Variants in CDC14A observed in about 807,000 individuals in gnomAD.
The protein encoded by CDC14A is dual specificity protein phosphatase CDC14A.
CDC14A carries 53 observed loss-of-function variants against 74.4 expected under a neutral mutation model. The ratio of observed to expected loss-of-function variants is 0.71; its 90% CI spans 0.57 to 0.89. CDC14A has a LOEUF of 0.89. Among genes scored for constraint, CDC14A ranks in the 40% least tolerant of loss-of-function variants. CDC14A has a pLI of 0.00. For synonymous variants in CDC14A, 247 were observed against 258.4 expected (o/e 0.96, Z 0.43); for missense variants, 646 against 713.7 (o/e 0.91, Z 1.08).
chr1:100,352,637 T>G lies in CDC14A; in HGVS notation c.-318T>G. ...GCCGGGGGAAGACTTTGCCCTGCCC[T>G]GAGAGCTGGTCTGCGTTTCCCAGGC... On this transcript the variant is annotated 5_prime_UTR_variant, in exon 1 of 16. Transcript: ENST00000336454. 2 of 1,232,964 alleles carry G rather than the reference T, an allele frequency of 1.6e-6. No homozygotes were observed. The highest frequency in any genetic ancestry group is 3.8e-5 in the South Asian group (2 of 52,912). 76.4% of individuals were successfully genotyped at this position (1,232,964 alleles called of 1,614,324 possible).
At chr1:100,459,112 C>CAGAGAGAGAGAG (rs1557781940) in intron 8 of CDC14A, among the ~76,000 whole-genome samples, 1 of 147,898 alleles carries the variant, frequency 6.8e-6, no homozygotes, top group African/African-American at 2.6e-5. Flanking sequence ...CACACACACA[C>CAGAGAGAGAGAG]ACACACACAC....
chr1:100,496,696 A>T (rs10875292), intron 13 of CDC14A, among the ~76,000 whole-genome samples: 152,116 of 152,336 alleles, frequency 1, 75,950 homozygotes, highest in Middle Eastern at 1. Flanking sequence ...GGGCTTAAGC[A>T]TCTGGAGCTT....
intron 10 of CDC14A, among the ~76,000 whole-genome samples, chr1:100,469,697 T>C (rs1481721900): frequency 6.6e-6 from 1 of 152,206 alleles, no homozygotes; most frequent in African/African-American, 2.4e-5. Context: ...GCTATACCTA[T>C]TGCCCCAGGC....
chr1:100,444,561 T>A (rs1665322592), intron 7 of CDC14A, among the ~76,000 whole-genome samples: 1 of 152,206 alleles, frequency 6.6e-6, no homozygotes, highest in African/African-American at 2.4e-5. Flanking sequence ...CTCCTCAAAC[T>A]GCTTAGTTAC....
intron 8 of CDC14A, 31 bp from the exon 9 acceptor site, chr1:100,462,620 C>G (rs376813624): frequency 6.7e-7 from 1 of 1,495,294 alleles, no homozygotes; most frequent in South Asian, 1.1e-5. Context: ...GAAATGCATG[C>G]CTTTTGCTTA....
intron 7 of CDC14A, among the ~76,000 whole-genome samples, chr1:100,446,853 T>A (rs967353140): frequency 2.0e-5 from 3 of 152,008 alleles, no homozygotes; most frequent in Non-Finnish European, 2.9e-5. Context: ...GTGTGCCACC[T>A]TGCCCTGCTA....
intron 7 of CDC14A, among the ~76,000 whole-genome samples, chr1:100,447,840 G>A (rs1665725308): frequency 6.6e-6 from 1 of 152,158 alleles, no homozygotes; most frequent in South Asian, 2.1e-4. Context: ...TTGGGGGGTA[G>A]CTGTCCTTAC....
intron 2 of CDC14A, among the ~76,000 whole-genome samples, chr1:100,370,939 A>G (rs774231063): frequency 3.1e-4 from 47 of 152,164 alleles, no homozygotes; most frequent in Non-Finnish European, 5.1e-4. Context: ...CCAATCCATG[A>G]GCATGTAATG....
At chr1:100,453,336 A>T (rs1666338592) in intron 7 of CDC14A, among the ~76,000 whole-genome samples, 1 of 152,222 alleles carries the variant, frequency 6.6e-6, no homozygotes. Context: ...GTGGTCAAGG[A>T]TACAGAAATA....
chr1:100,480,973 T>G (rs1460952778), intron 10 of CDC14A: 1 of 152,228 alleles, frequency 6.6e-6, no homozygotes, highest in African/African-American at 2.4e-5. Flanking sequence ...ATCTTCCTAG[T>G]GAATCTTCCA....
intron 2 of CDC14A, among the ~76,000 whole-genome samples, chr1:100,370,102 G>C (rs1392653595): frequency 6.6e-6 from 1 of 152,004 alleles, no homozygotes; most frequent in Non-Finnish European, 1.5e-5. Context: ...TCCTGCCTCA[G>C]CCTCCCAAGT....
Position 100,499,145 on chromosome 1 carries a change from C to A in CDC14A, c.1638C>A (p.Asn546Lys), listed in dbSNP as rs1165986883. The A allele has an allele frequency of 6.2e-7, 1 of 1,614,158 alleles. No individual in the cohort carries two copies. Among genetic ancestry groups the A allele is most frequent in the Non-Finnish European group, 8.5e-7 (1 of 1,180,038 alleles). The part of the protein sequence containing the change: ...YNRSSNSNGG[N>K]LNSPPGPHSA... Reference sequence around the variant, plus strand: ...GAAGCAGCAACAGCAACGGGGGCAACCTGAACAGCCCCCCAGGCCCCCACA... The same window carrying A: ...GAAGCAGCAACAGCAACGGGGGCAAACTGAACAGCCCCCCAGGCCCCCACA... Residue 546 changes from asparagine (N) to lysine (K), a missense_variant, in exon 15 of 16, where the codon AAC becomes AAA. Asn to Lys is a moderately conservative substitution (Grantham distance 94). Coordinates refer to ENST00000336454, the MANE Select transcript of CDC14A (RefSeq NM_003672.4).
At chr1:100,403,874 G>C (rs1659586252) in intron 4 of CDC14A, among the ~76,000 whole-genome samples, 1 of 152,166 alleles carries the variant, frequency 6.6e-6, no homozygotes, top group African/African-American at 2.4e-5. Context: ...ATTGGGCTTA[G>C]TTTCTAAGTG....
At chr1:100,484,711 A>C in intron 11 of CDC14A, 4 of 1,070,140 alleles carry the variant, frequency 3.7e-6, no homozygotes, top group Non-Finnish European at 4.5e-6. Context: ...AAGGAAACAG[A>C]AAAGCAAACT....
chr1:100,443,948 A>G lies in CDC14A; in HGVS notation c.519+952A>G, dbSNP rs144157020. On this transcript the variant is annotated intron_variant, in intron 7 of 15. Coordinates refer to ENST00000336454, the MANE Select transcript of CDC14A (RefSeq NM_003672.4). ...ATCCGTTGGGTTTCCCCAGAGGAGTAATACAATTTATCTCTATCCTTAGTA... is the reference window on the plus strand; with the variant it reads ...ATCCGTTGGGTTTCCCCAGAGGAGTGATACAATTTATCTCTATCCTTAGTA... Among the ~76,000 whole-genome samples the G allele has an allele frequency of 5.3e-5, 8 of 152,340 alleles. No homozygotes were observed. The East Asian group carries it at 1.3e-3, about 26-fold the overall frequency.
At chr1:100,481,640 G>A (rs1338863971) in intron 10 of CDC14A, among the ~76,000 whole-genome samples, 4 of 152,178 alleles carry the variant, frequency 2.6e-5, no homozygotes, top group Non-Finnish European at 5.9e-5. Context: ...CCCAGGGCAA[G>A]GACATGGCTG....
intron 3 of CDC14A, among the ~76,000 whole-genome samples, chr1:100,382,537 C>T (rs557894944): frequency 1.3e-5 from 2 of 151,380 alleles, no homozygotes; most frequent in Admixed American, 1.3e-4. Context: ...TGTGCTTGGC[C>T]GTCAATACAG....
intron 7 of CDC14A, among the ~76,000 whole-genome samples, chr1:100,443,428 C>T (rs1265627765): frequency 6.6e-6 from 1 of 151,954 alleles, no homozygotes; most frequent in Non-Finnish European, 1.5e-5. Context: ...TCTGCCTCCC[C>T]AGGCTCAAGC....
At chr1:100,361,105 A>C (rs1570952077) in intron 2 of CDC14A, among the ~76,000 whole-genome samples, 1 of 152,050 alleles carries the variant, frequency 6.6e-6, no homozygotes, top group East Asian at 1.9e-4. Flanking sequence ...TGCTTAAAAA[A>C]AAAAAAACAA....
Sources: gnomAD v4.1 joint callset for allele counts (sites outside exome capture counted in the v4.1 genomes callset) on GRCh38, gnomAD v4.1.1 for gene constraint, MANE v1.5 for transcripts, NCBI Gene and HGNC (gene_info 2026-07-23, HGNC 2026-07-21) for gene names.